RAF1: variants seen among roughly 807,000 people sequenced by gnomAD.
RAF1 encodes Raf-1 proto-oncogene, serine/threonine kinase.
Under a neutral mutation model 81.1 loss-of-function variants are expected in RAF1, and 27 were observed. The observed-to-expected ratio is 0.33, with a 90% CI of 0.25 to 0.46. The LOEUF (loss-of-function observed/expected upper bound fraction) is 0.46, where lower values mean the gene tolerates loss of function less well. Ranked by LOEUF, RAF1 falls within the 20% of genes least tolerant of loss-of-function variation. RAF1 has a pLI of 1.00. For synonymous variants in RAF1, 298 were observed against 294.0 expected, an observed-to-expected ratio of 1.01 and a Z score of -0.14; for missense variants, 598 against 826.0, an observed-to-expected ratio of 0.72 and a Z score of 3.38.
At position 12,590,684 on chromosome 3, in the gene RAF1, G is replaced by A. The variant is rs903830063; in HGVS notation, c.1430+114C>T. On this transcript the variant is annotated intron_variant, in intron 13 of 17. Coordinates refer to ENST00000442415, the MANE Select transcript of RAF1 (RefSeq NM_001354689.3). ...CCTCCAGCCCAGGCCAGAGGCTTGT[G>A]CAAAGATATCACAGAATCGCTTAAT... is the stretch of plus-strand genomic sequence containing the variant. 3.1e-5 allele frequency: 38 copies of A among 1,235,842 alleles called. No individual in the cohort carries two copies. In the African/African-American group the frequency reaches 5.1e-4, roughly 16 times the overall value. The allele number at this position is 1,235,842 out of a possible 1,614,324, so 76.6% of individuals were successfully genotyped here.
chr3:12,631,479 G>A (rs2059857739), intron 1 of RAF1, among the ~76,000 whole-genome samples: 1 of 152,098 alleles, frequency 6.6e-6, no homozygotes, highest in Non-Finnish European at 1.5e-5. Flanking sequence ...GGCGCCTGTA[G>A]CCCCAGCTTC....
rs117969702 is a variant in RAF1, at chr3:12,612,673, A to G, written c.208-611T>C. 2.9e-4 allele frequency among the ~76,000 whole-genome samples: 44 copies of G among 151,954 alleles called. No homozygotes were observed. The East Asian group carries it at 7.1e-3, about 25-fold the overall frequency. ...TCAAAAAAAAAAAAAAAAAAAGTGAAGAAATCTGTATATGTTATACAAGTG... is the reference window on the plus strand; with the variant it reads ...TCAAAAAAAAAAAAAAAAAAAGTGAGGAAATCTGTATATGTTATACAAGTG... On this transcript the variant is annotated intron_variant, in intron 2 of 17. Coordinates refer to ENST00000442415, the MANE Select transcript of RAF1 (RefSeq NM_001354689.3).
chr3:12,609,492 G>A (rs1265000021), intron 3 of RAF1, among the ~76,000 whole-genome samples, 157 bp from the exon 4 acceptor site: 2 of 152,058 alleles, frequency 1.3e-5, no homozygotes, highest in African/African-American at 4.8e-5. Context: ...CTATGAAGTA[G>A]GTATTATTTC....
At chr3:12,616,809 C>A (rs1255753893) in intron 2 of RAF1, among the ~76,000 whole-genome samples, 2 of 152,210 alleles carry the variant, frequency 1.3e-5, no homozygotes, top group Non-Finnish European at 2.9e-5. Context: ...AAGGAAGAGG[C>A]ATGGAAGTTT....
At chr3:12,629,525 G>A (rs2059803899) in intron 1 of RAF1, among the ~76,000 whole-genome samples, 1 of 152,094 alleles carries the variant, frequency 6.6e-6, no homozygotes, top group African/African-American at 2.4e-5. Flanking sequence ...CCCCCTATAA[G>A]AGAAATTATC....
rs1171600241 is a variant in RAF1 at position 12,664,113 on chromosome 3, C to T, written c.-327G>A. On this transcript the variant is annotated 5_prime_UTR_variant, in exon 1 of 18. Transcript: ENST00000442415. ...TCTAAGATGGCGGCCCAAGCGCCCG[C>T]GATTAAGACTCTCGGGCGGCCCAGA... 7.5e-6 allele frequency: 3 copies of T among 398,364 alleles called. No homozygotes were observed. Among genetic ancestry groups the T allele is most frequent in the Non-Finnish European group, 1.3e-5 (3 of 225,868 alleles). The allele number at this position is 398,364 out of a possible 1,614,324, so 24.7% of individuals were successfully genotyped here.
intron 5 of RAF1, 72 bp from the exon 6 acceptor site, chr3:12,606,371 T>C: frequency 8.9e-7 from 1 of 1,124,146 alleles, no homozygotes; most frequent in Non-Finnish European, 1.3e-6. Flanking sequence ...CATGCCTTGC[T>C]TTTGCAAACT....
chr3:12,650,145 CAAAAAAAAAAA>C (rs36098034), intron 1 of RAF1, among the ~76,000 whole-genome samples: 18 of 76,970 alleles, frequency 2.3e-4, no homozygotes, highest in South Asian at 7.2e-4. Flanking sequence ...GACTCCATCT[CAAAAAAAAAAA>C]AAAAAAAAAA....
intron 1 of RAF1, among the ~76,000 whole-genome samples, chr3:12,624,983 C>G (rs1479297577): frequency 6.6e-6 from 1 of 150,978 alleles, no homozygotes; most frequent in Non-Finnish European, 1.5e-5. Flanking sequence ...ATTAAATTCA[C>G]AGAAAAGCAA....
At chr3:12,647,592 TCAAA>T (rs34420595) in intron 1 of RAF1, among the ~76,000 whole-genome samples, 33,921 of 151,514 alleles carry the variant, frequency 0.22, 4,204 homozygotes, top group African/African-American at 0.33. Context: ...AGACCCTGTC[TCAAA>T]CAAACAAACA....
At chr3:12,642,664 CCATCTCT>C (rs2060226204) in intron 1 of RAF1, among the ~76,000 whole-genome samples, 1 of 139,890 alleles carries the variant, frequency 7.1e-6, no homozygotes, top group Admixed American at 7.7e-5. Flanking sequence ...CAGGGAGACA[CCATCTCT>C]ACACACACAC....
At chr3:12,613,299 T>C (rs2059272434) in intron 2 of RAF1, among the ~76,000 whole-genome samples, 1 of 152,200 alleles carries the variant, frequency 6.6e-6, no homozygotes, top group Non-Finnish European at 1.5e-5. Context: ...AGAGTCAGTA[T>C]GGCCAGCAAG....
At chr3:12,617,878 C>CAAAAA (rs1263362287) in intron 2 of RAF1, among the ~76,000 whole-genome samples, 7 of 89,966 alleles carry the variant, frequency 7.8e-5, no homozygotes, top group Admixed American at 2.6e-4. Context: ...GAATCCGTCT[C>CAAAAA]AAAAAAAAAA....
chr3:12,585,266 C>T lies in RAF1; in HGVS notation c.1597-13G>A, dbSNP rs369039413. ...TCACCTCTGGGGCCTACATGTATCA[C>T]CATATGACAAAAGTGCATTTATCAC... is the stretch of plus-strand genomic sequence containing the variant. On this transcript the variant is annotated splice_polypyrimidine_tract_variant and intron_variant, in intron 15 of 17. Coordinates refer to ENST00000442415, the MANE Select transcript of RAF1 (RefSeq NM_001354689.3). 25 of 1,613,936 alleles carry T rather than the reference C, an allele frequency of 1.5e-5. No homozygotes were observed. The African/African-American group carries it at 3.1e-4, about 20-fold the overall frequency.
chr3:12,642,818 T>C (rs545976525), intron 1 of RAF1, among the ~76,000 whole-genome samples: 189 of 147,712 alleles, frequency 1.3e-3, no homozygotes, highest in African/African-American at 4.2e-3. Context: ...AACAGGGAGG[T>C]TGAGGCTGCA....
chr3:12,598,231 G>C (rs2058743328), intron 11 of RAF1, among the ~76,000 whole-genome samples: 1 of 151,742 alleles, frequency 6.6e-6, no homozygotes, highest in African/African-American at 2.4e-5. Flanking sequence ...AGCTGTTCTT[G>C]AACTCCTAGG....
intron 1 of RAF1, among the ~76,000 whole-genome samples, chr3:12,649,811 G>A (rs1375995835): frequency 6.6e-6 from 1 of 152,038 alleles, no homozygotes; most frequent in Non-Finnish European, 1.5e-5. Flanking sequence ...ATCAGCCTGG[G>A]CAACTGAGGG....
chr3:12,643,509 G>C (rs2060253497), intron 1 of RAF1, among the ~76,000 whole-genome samples: 2 of 152,108 alleles, frequency 1.3e-5, no homozygotes, highest in South Asian at 2.1e-4. Flanking sequence ...GAGAGGCTGG[G>C]GTGGGTGGAT....
intron 11 of RAF1, 117 bp downstream of exon 10, chr3:12,599,574 G>A (rs1167111257): frequency 3.6e-5 from 28 of 769,306 alleles, no homozygotes; most frequent in Non-Finnish European, 6.1e-5. Context: ...GTATGTAAGG[G>A]AGAGTACTGC....
Sources: gnomAD v4.1 joint callset for allele counts (sites outside exome capture counted in the v4.1 genomes callset) on GRCh38, gnomAD v4.1.1 for gene constraint, MANE v1.5 for transcripts, NCBI Gene and HGNC (gene_info 2026-07-23, HGNC 2026-07-21) for gene names.